The following ABHD12 variants were observed in gnomAD, a reference collection of about 807,000 sequenced individuals.
ABHD12 encodes abhydrolase domain containing 12, lysophospholipase, also known as lysophosphatidylserine lipase ABHD12.
In ABHD12, 43 loss-of-function variants were observed where a neutral mutation model predicts 58.3. The ratio of observed to expected loss-of-function variants is 0.74; its 90% confidence interval spans 0.58 to 0.95. The LOEUF (loss-of-function observed/expected upper bound fraction) is 0.95, where lower values mean the gene tolerates loss of function less well. Ranked by LOEUF, ABHD12 falls within the 40% of genes least tolerant of loss-of-function variation. The probability of loss-of-function intolerance (pLI) is 0.00; values close to 1 mark genes in which losing one functional copy is unlikely to be tolerated. For missense variants in ABHD12, 539 were observed against 537.2 expected (o/e 1.00, Z -0.03); for synonymous variants, 219 against 211.2 (o/e 1.04, Z -0.32).
intron 12 of ABHD12, among the ~76,000 whole-genome samples, chr20:25,301,988 C>T (rs1469537449): frequency 6.6e-6 from 1 of 152,198 alleles, no homozygotes; most frequent in East Asian, 1.9e-4. Flanking sequence ...TCTGTACATC[C>T]TTTACAACAT....
chr20:25,361,472 T>G (rs954925150), intron 1 of ABHD12, among the ~76,000 whole-genome samples: 1 of 152,192 alleles, frequency 6.6e-6, no homozygotes, highest in African/African-American at 2.4e-5. Context: ...CTCAGCTCAC[T>G]GGAATTACAG....
chr20:25,318,160 C>T (rs2088997916), intron 4 of ABHD12, among the ~76,000 whole-genome samples: 1 of 152,098 alleles, frequency 6.6e-6, no homozygotes, highest in African/African-American at 2.4e-5. Context: ...ACTAAAAATA[C>T]AAAAATTAGC....
chr20:25,295,332 C>T (rs763504401), downstream of ABHD12, among the ~76,000 whole-genome samples: 4 of 152,246 alleles, frequency 2.6e-5, no homozygotes, highest in African/African-American at 9.6e-5. Context: ...GTGGAAGACA[C>T]GTTTTAAATG....
At chr20:25,334,360 G>A (rs1432911161) in intron 2 of ABHD12, among the ~76,000 whole-genome samples, 10 of 149,458 alleles carry the variant, frequency 6.7e-5, no homozygotes, top group Admixed American at 2.0e-4. Context: ...AATCAATATC[G>A]TGAAAATGGC....
Position 25,360,392 on chromosome 20 carries a change from C to T in ABHD12, c.192-21041G>A, listed in dbSNP as rs1456366932. Among the ~76,000 whole-genome samples the T allele has an allele frequency of 4.0e-5, 6 of 151,746 alleles. No individual in the cohort carries two copies. In the East Asian group the frequency reaches 1.2e-3, roughly 29 times the overall value. ...AGTAGCTGGGATTACAGGCATGCAC[C>T]ACCACGCCCGACTAATTTTTGTATT... is the stretch of plus-strand genomic sequence containing the variant. On this transcript the variant is annotated intron_variant, in intron 1 of 12. Transcript: ENST00000339157.
At chr20:25,320,639 T>G (rs1225499360) in intron 3 of ABHD12, among the ~76,000 whole-genome samples, 1 of 152,226 alleles carries the variant, frequency 6.6e-6, no homozygotes, top group Admixed American at 6.5e-5. Flanking sequence ...GAAGCAGCAC[T>G]TAGTCCATCT....
intron 1 of ABHD12, among the ~76,000 whole-genome samples, chr20:25,382,234 G>A (rs899722837): frequency 1.3e-5 from 2 of 152,058 alleles, no homozygotes; most frequent in Non-Finnish European, 2.9e-5. Context: ...AGGGGCTGAG[G>A]CCTAAATGAG....
chr20:25,300,562 C>T lies in ABHD12; in HGVS notation c.*283G>A. 1 of 1,404,708 alleles carries T rather than the reference C, an allele frequency of 7.1e-7. No homozygotes were observed. The highest frequency in any genetic ancestry group is 9.2e-7 in the Non-Finnish European group (1 of 1,081,212). The allele number at this position is 1,404,708 out of a possible 1,614,324, so 87.0% of individuals were successfully genotyped here. On this transcript the variant is annotated 3_prime_UTR_variant, in exon 13 of 13. Coordinates refer to ENST00000339157, the MANE Select transcript of ABHD12 (RefSeq NM_001042472.3). ...TGCAGCATCAAGCAGGCAGTGATGG[C>T]TGCCTGCTGCCATTAAGTCTCCCAA...
chr20:25,361,356 C>A (rs568882923), intron 1 of ABHD12, among the ~76,000 whole-genome samples: 2 of 152,292 alleles, frequency 1.3e-5, no homozygotes, highest in East Asian at 3.9e-4. Context: ...TTATGTCTCT[C>A]AGTAAAGTTT....
chr20:25,308,617 A>T, intron 7 of ABHD12, 123 bp from the exon 8 acceptor site: 1 of 1,216,706 alleles, frequency 8.2e-7, no homozygotes, highest in South Asian at 1.3e-5. Flanking sequence ...GTTTCAGGAC[A>T]GAGTGGGGGA....
intron 2 of ABHD12, among the ~76,000 whole-genome samples, chr20:25,329,393 G>A (rs1248969518): frequency 3.3e-5 from 5 of 152,210 alleles, no homozygotes; most frequent in Admixed American, 2.0e-4. Context: ...TGCTGGGACT[G>A]AGGCCTCTGG....
At chr20:25,296,350 T>C, downstream of ABHD12, 1 of 1,613,764 alleles carries the variant, frequency 6.2e-7, no homozygotes, top group South Asian at 1.1e-5. Context: ...CAGAGACTAA[T>C]TTCATCTCCT....
chr20:25,294,836 G>T, exon 13 of ABHD12: 1 of 887,872 alleles, frequency 1.1e-6, no homozygotes, highest in South Asian at 1.3e-5. Flanking sequence ...TTGCAGCTCA[G>T]GGCAGTTCTT....
At chr20:25,301,661 G>A (rs892037655) in intron 12 of ABHD12, among the ~76,000 whole-genome samples, 1 of 152,244 alleles carries the variant, frequency 6.6e-6, no homozygotes, top group Non-Finnish European at 1.5e-5. Flanking sequence ...CAGTACAGAG[G>A]AGGCCGGGGG....
intron 1 of ABHD12, among the ~76,000 whole-genome samples, chr20:25,347,798 A>T (rs1221316527): frequency 6.6e-6 from 1 of 152,166 alleles, no homozygotes; most frequent in Non-Finnish European, 1.5e-5. Context: ...AATCTCTTGG[A>T]AAGGCAAATT....
chr20:25,364,256 T>G lies in ABHD12; in HGVS notation c.192-24905A>C, dbSNP rs574206071. Among the ~76,000 whole-genome samples the G allele has an allele frequency of 2.0e-5, 3 of 152,326 alleles. No homozygotes were observed. The South Asian group carries it at 6.2e-4, about 32-fold the overall frequency. On this transcript the variant is annotated intron_variant, in intron 1 of 12. Transcript: ENST00000339157. ...GAAATTTATCTTCAGATGACAAAGG[T>G]GCCTTAGTCCATTTTTGTGTTGCTA... is the stretch of plus-strand genomic sequence containing the variant.
At chr20:25,355,442 T>A (rs1600844557) in intron 1 of ABHD12, among the ~76,000 whole-genome samples, 1 of 151,638 alleles carries the variant, frequency 6.6e-6, no homozygotes, top group Admixed American at 6.6e-5. Flanking sequence ...CCCTTTTTGT[T>A]TTTACCATTT....
intron 2 of ABHD12, among the ~76,000 whole-genome samples, chr20:25,331,917 C>T (rs535631943): frequency 6.6e-6 from 1 of 151,772 alleles, no homozygotes; most frequent in Non-Finnish European, 1.5e-5. Flanking sequence ...AAATAACCAG[C>T]TAACATCATA....
chr20:25,365,103 CT>C (rs1270622289), intron 1 of ABHD12, among the ~76,000 whole-genome samples: 2 of 152,188 alleles, frequency 1.3e-5, no homozygotes, highest in African/African-American at 4.8e-5. Context: ...AAGTGTTATC[CT>C]AACTAATTCT....
Sources: gnomAD v4.1 joint callset for allele counts (sites outside exome capture counted in the v4.1 genomes callset) on GRCh38, gnomAD v4.1.1 for gene constraint, MANE v1.5 for transcripts, NCBI Gene and HGNC (gene_info 2026-07-23, HGNC 2026-07-21) for gene names.